Variants in LHFPL6 observed in about 807,000 individuals in gnomAD.
The protein encoded by LHFPL6 is LHFPL tetraspan subfamily member 6 protein.
In LHFPL6, 9 loss-of-function variants were observed where a neutral mutation model predicts 20.6. The ratio of observed to expected loss-of-function variants is 0.44; its 90% CI spans 0.26 to 0.76. The LOEUF is 0.76. Ranked by LOEUF, LHFPL6 falls within the 30% of genes least tolerant of loss-of-function variation. LHFPL6 has a pLI of 0.20. For missense variants in LHFPL6, 218 were observed against 253.5 expected, an observed-to-expected ratio of 0.86 and a Z score of 0.95; for synonymous variants, 105 against 98.7, an observed-to-expected ratio of 1.06 and a Z score of -0.38.
intron 2 of LHFPL6, among the ~76,000 whole-genome samples, chr13:39,467,002 T>C (rs1006346016): frequency 2.6e-5 from 4 of 152,346 alleles, no homozygotes; most frequent in East Asian, 3.9e-4. Context: ...GATAAAGTGA[T>C]AAAACACATG....
intron 2 of LHFPL6, among the ~76,000 whole-genome samples, chr13:39,449,269 A>G (rs1458825106): frequency 6.6e-6 from 1 of 152,248 alleles, no homozygotes; most frequent in Admixed American, 6.5e-5. Context: ...AATGTACTTA[A>G]ATGGCAAACC....
intron 2 of LHFPL6, among the ~76,000 whole-genome samples, chr13:39,581,313 A>C (rs573921218): frequency 6.6e-6 from 1 of 152,310 alleles, no homozygotes; most frequent in Non-Finnish European, 1.5e-5. Flanking sequence ...CACTGAAGTC[A>C]AATGTACATC....
intron 2 of LHFPL6, among the ~76,000 whole-genome samples, chr13:39,519,119 C>T (rs9548795): frequency 0.083 from 12,576 of 152,116 alleles, 608 homozygotes; most frequent in East Asian, 0.25. Context: ...GCCTGTAATC[C>T]CAGCTACTCG....
intron 2 of LHFPL6, among the ~76,000 whole-genome samples, chr13:39,521,909 C>T (rs941697182): frequency 3.3e-5 from 5 of 152,118 alleles, no homozygotes; most frequent in South Asian, 2.1e-4. Context: ...CAATTAGTGA[C>T]GTGAAAGTTA....
At position 39,343,169 on chromosome 13, in the gene LHFPL6, T is replaced by A; in HGVS notation, c.*767A>T. Reference sequence around the variant, plus strand: ...AAATATTGCATATTGTGGAATAACATGGAAATACAAAGGCTTAACTCTAAA... The same window carrying A: ...AAATATTGCATATTGTGGAATAACAAGGAAATACAAAGGCTTAACTCTAAA... On this transcript the variant is annotated 3_prime_UTR_variant, in exon 4 of 4. Coordinates refer to ENST00000379589, the MANE Select transcript of LHFPL6 (RefSeq NM_005780.3). 1 of 207,754 alleles carries A rather than the reference T, an allele frequency of 4.8e-6. No individual in the cohort carries two copies. The highest frequency in any genetic ancestry group is 5.9e-5 in the Admixed American group (1 of 16,922). 12.9% of individuals were successfully genotyped at this position (207,754 alleles called of 1,614,324 possible).
intron 3 of LHFPL6, among the ~76,000 whole-genome samples, chr13:39,352,529 CT>C (rs1408863061): frequency 6.6e-6 from 1 of 152,090 alleles, no homozygotes; most frequent in Non-Finnish European, 1.5e-5. Context: ...TTTACAGTTT[CT>C]TTTCTTGAAC....
intron 3 of LHFPL6, among the ~76,000 whole-genome samples, chr13:39,359,272 G>GA (rs1410720554): frequency 6.6e-6 from 1 of 152,128 alleles, no homozygotes; most frequent in Non-Finnish European, 1.5e-5. Flanking sequence ...AGCAGTCTAG[G>GA]GATTTCTCAA....
At chr13:39,351,916 G>C (rs893341320) in intron 3 of LHFPL6, among the ~76,000 whole-genome samples, 3 of 152,192 alleles carry the variant, frequency 2.0e-5, no homozygotes, top group African/African-American at 7.2e-5. Context: ...AGGCACCCCA[G>C]TAGTCTCTCT....
chr13:39,478,608 G>C (rs1192439175), intron 2 of LHFPL6, among the ~76,000 whole-genome samples: 2 of 152,142 alleles, frequency 1.3e-5, no homozygotes, highest in African/African-American at 4.8e-5. Context: ...ATTAGCATTT[G>C]AATCAGTCAA....
intron 2 of LHFPL6, among the ~76,000 whole-genome samples, chr13:39,598,315 A>G (rs970452943): frequency 6.6e-6 from 1 of 151,242 alleles, no homozygotes; most frequent in African/African-American, 2.4e-5. Flanking sequence ...TCTGGTCTCC[A>G]TTAAGTAACA....
chr13:39,567,352 T>C (rs1355613485), intron 2 of LHFPL6, among the ~76,000 whole-genome samples: 1 of 152,260 alleles, frequency 6.6e-6, no homozygotes, highest in African/African-American at 2.4e-5. Context: ...TTCTGTATTT[T>C]ATCTGACTAA....
chr13:39,390,902 C>A (rs1870692259), intron 2 of LHFPL6, among the ~76,000 whole-genome samples: 1 of 152,096 alleles, frequency 6.6e-6, no homozygotes, highest in Non-Finnish European at 1.5e-5. Flanking sequence ...AGGGCTGAGG[C>A]AGGGGAATTG....
intron 2 of LHFPL6, among the ~76,000 whole-genome samples, chr13:39,475,187 A>C (rs1873052339): frequency 6.6e-6 from 1 of 152,166 alleles, no homozygotes; most frequent in African/African-American, 2.4e-5. Flanking sequence ...GTGAGACCAG[A>C]GTAGGGCAGA....
At chr13:39,410,623 T>C (rs1871222759) in intron 2 of LHFPL6, among the ~76,000 whole-genome samples, 1 of 152,140 alleles carries the variant, frequency 6.6e-6, no homozygotes, top group Non-Finnish European at 1.5e-5. Context: ...CCAAAAAAAA[T>C]GTATGAATAA....
intron 2 of LHFPL6, among the ~76,000 whole-genome samples, chr13:39,547,968 T>C (rs1409708887): frequency 6.6e-6 from 1 of 152,096 alleles, no homozygotes; most frequent in African/African-American, 2.4e-5. Flanking sequence ...AATGGATTTA[T>C]GTACCTTATC....
At chr13:39,528,036 C>A (rs774338192) in intron 2 of LHFPL6, among the ~76,000 whole-genome samples, 1 of 152,166 alleles carries the variant, frequency 6.6e-6, no homozygotes, top group Non-Finnish European at 1.5e-5. Flanking sequence ...AGTACTAAAT[C>A]AATATAGAAT....
At chr13:39,367,259 T>C (rs1257611229) in intron 3 of LHFPL6, among the ~76,000 whole-genome samples, 1 of 152,188 alleles carries the variant, frequency 6.6e-6, no homozygotes, top group Non-Finnish European at 1.5e-5. Context: ...ACCTATGGGG[T>C]ACTATGTTCC....
At chr13:39,512,610 A>AAAAAAAAAG (rs1285304888) in intron 2 of LHFPL6, among the ~76,000 whole-genome samples, 1 of 150,514 alleles carries the variant, frequency 6.6e-6, no homozygotes, top group African/African-American at 2.5e-5. Flanking sequence ...TCAAAAAAAA[A>AAAAAAAAAG]AAAAAGAAAA....
intron 2 of LHFPL6, among the ~76,000 whole-genome samples, chr13:39,519,456 G>A (rs1435388407): frequency 6.6e-6 from 1 of 152,160 alleles, no homozygotes; most frequent in African/African-American, 2.4e-5. Context: ...AGATCACTGA[G>A]TGTTAAAAAC....
Sources: allele counts gnomAD v4.1 joint callset (sites outside exome capture counted in the v4.1 genomes callset), GRCh38; gene constraint gnomAD v4.1.1; transcripts MANE v1.5; gene names NCBI Gene and HGNC (gene_info 2026-07-23, HGNC 2026-07-21).